DNAAF11: variants seen among roughly 807,000 people sequenced by gnomAD.
DNAAF11 encodes leucine rich repeat containing 6.
DNAAF11 carries 45 observed loss-of-function variants against 60.8 expected under a neutral mutation model. The observed-to-expected ratio is 0.74, with a 90% CI of 0.58 to 0.95. The LOEUF is 0.95. Ranked by LOEUF, DNAAF11 falls within the 40% of genes least tolerant of loss-of-function variation. The probability of loss-of-function intolerance (pLI) is 0.00; values close to 1 mark genes in which losing one functional copy is unlikely to be tolerated. For synonymous variants in DNAAF11, 191 were observed against 183.5 expected (o/e 1.04, Z -0.33); for missense variants, 546 against 546.2 (o/e 1.00, Z 0.00).
chr8:132,576,517 T>C (rs147926166), intron 11 of DNAAF11, among the ~76,000 whole-genome samples: 1 of 152,216 alleles, frequency 6.6e-6, no homozygotes, highest in African/African-American at 2.4e-5. Flanking sequence ...ATTGACCCAG[T>C]TGTTTTGGTG....
the DNAAF11 span, among the ~76,000 whole-genome samples, chr8:132,685,906 T>A: frequency 0.59 from 89,313 of 151,866 alleles, 28,868 homozygotes; most frequent in African/African-American, 0.88. Context: ...CCAATGACCC[T>A]TTTTTTTCCC....
At chr8:132,627,926 C>A (rs574834143) in intron 5 of DNAAF11, among the ~76,000 whole-genome samples, 4 of 152,294 alleles carry the variant, frequency 2.6e-5, no homozygotes, top group South Asian at 2.1e-4. Flanking sequence ...GGAGACACTA[C>A]AAGAGTCCTC....
chr8:132,692,082 G>C, the DNAAF11 span, among the ~76,000 whole-genome samples: 3 of 152,098 alleles, frequency 2.0e-5, no homozygotes, highest in Non-Finnish European at 2.9e-5. Flanking sequence ...AGTAGTAGGG[G>C]GCTGGGTGAG....
At chr8:132,605,614 T>C (rs1043211252) in intron 10 of DNAAF11, among the ~76,000 whole-genome samples, 5 of 151,652 alleles carry the variant, frequency 3.3e-5, no homozygotes, top group Non-Finnish European at 5.9e-5. Context: ...TTGGGGAAAA[T>C]AGAAAAAGAA....
chr8:132,580,601 AAAAAT>A (rs899512605), intron 11 of DNAAF11, among the ~76,000 whole-genome samples: 2 of 152,260 alleles, frequency 1.3e-5, no homozygotes, highest in African/African-American at 4.8e-5. Flanking sequence ...CAACAGAGAA[AAAAAT>A]AAAATAATAC....
chr8:132,605,279 A>G (rs1818020263), intron 10 of DNAAF11, among the ~76,000 whole-genome samples: 1 of 152,188 alleles, frequency 6.6e-6, no homozygotes, highest in African/African-American at 2.4e-5. Context: ...TCCAGAGCCC[A>G]TTCCCTTAAT....
At chr8:132,624,927 G>C (rs567758451) in intron 6 of DNAAF11, among the ~76,000 whole-genome samples, 18 of 152,132 alleles carry the variant, frequency 1.2e-4, no homozygotes, top group Non-Finnish European at 2.6e-4. Flanking sequence ...GACTCAAAAA[G>C]GAGCCCATTC....
At chr8:132,601,107 G>A (rs926757267) in intron 10 of DNAAF11, among the ~76,000 whole-genome samples, 5 of 152,104 alleles carry the variant, frequency 3.3e-5, no homozygotes, top group African/African-American at 4.8e-5. Flanking sequence ...TCAAAAAGTG[G>A]GCAAAGGATA....
At position 132,570,652 on chromosome 8, in the gene DNAAF11, T is replaced by A. The variant is rs1814094155; in HGVS notation, c.*1654A>T. ...TAGAGTTGACCATGAAGAAAGGTGTTATACTCAGTCATTGCCATCAGTCGC... is the reference window on the plus strand; with the variant it reads ...TAGAGTTGACCATGAAGAAAGGTGTAATACTCAGTCATTGCCATCAGTCGC... On this transcript the variant is annotated 3_prime_UTR_variant, in exon 12 of 12. Transcript: ENST00000620350. Among the ~76,000 whole-genome samples, 1 of 152,156 alleles carries A rather than the reference T, an allele frequency of 6.6e-6. No homozygotes were observed. Among genetic ancestry groups the A allele is most frequent in the Admixed American group, 6.5e-5 (1 of 15,280 alleles).
At chr8:132,585,325 A>G (rs1376982115) in intron 10 of DNAAF11, among the ~76,000 whole-genome samples, 1 of 152,138 alleles carries the variant, frequency 6.6e-6, no homozygotes, top group Non-Finnish European at 1.5e-5. Flanking sequence ...CAACACGTGT[A>G]TGGATGTGTG....
rs747156213 is a variant in DNAAF11 at position 132,622,646 on chromosome 8, A to G, written c.879T>C (p.Thr293=). The stretch of plus-strand genomic sequence containing the variant: ...TCACATTTAGGGCTTTCCCATCTTC[A>G]GTGATCAAAGTCCTGGGTGGTTTCA... The part of the protein sequence containing the change: ...KKVKPPRTLI[T]EDGKALNVNE... The change falls in exon 7 of 12, where the codon ACT becomes ACC. Residue 293 remains threonine (T), a synonymous_variant. Coordinates refer to ENST00000620350, the MANE Select transcript of DNAAF11 (RefSeq NM_012472.6). 8 of 1,613,818 alleles carry G rather than the reference A, an allele frequency of 5.0e-6. No individual in the cohort carries two copies. Among genetic ancestry groups the G allele is most frequent in the Non-Finnish European group, 5.9e-6 (7 of 1,179,834 alleles).
At chr8:132,659,161 T>A (rs1823883762) in intron 2 of DNAAF11, among the ~76,000 whole-genome samples, 1 of 152,164 alleles carries the variant, frequency 6.6e-6, no homozygotes, top group Admixed American at 6.5e-5. Flanking sequence ...ACATGGCCCC[T>A]GGGCTCCCTC....
chr8:132,691,346 T>C, the DNAAF11 span, among the ~76,000 whole-genome samples: 1 of 152,168 alleles, frequency 6.6e-6, no homozygotes, highest in East Asian at 1.9e-4. Context: ...AGTTTGGTTA[T>C]TTGTTTTGTT....
intron 10 of DNAAF11, among the ~76,000 whole-genome samples, chr8:132,603,248 G>C (rs935661420): frequency 6.6e-6 from 1 of 152,158 alleles, no homozygotes; most frequent in African/African-American, 2.4e-5. Flanking sequence ...AGATGACAGA[G>C]CTCTAGAGGT....
chr8:132,665,966 C>T (rs554622535), intron 1 of DNAAF11, among the ~76,000 whole-genome samples: 1 of 152,272 alleles, frequency 6.6e-6, no homozygotes, highest in Admixed American at 6.5e-5. Flanking sequence ...CAGCTGGAGG[C>T]CATTATCCCA....
At chr8:132,629,889 A>C (rs940649662) in intron 5 of DNAAF11, among the ~76,000 whole-genome samples, 6 of 152,340 alleles carry the variant, frequency 3.9e-5, no homozygotes. Context: ...AATTACATCT[A>C]TTTTTAAAAT....
Position 132,615,113 on chromosome 8 carries a change from T to C in DNAAF11, c.915-16A>G, listed in dbSNP as rs1169203761. On this transcript the variant is annotated splice_polypyrimidine_tract_variant and intron_variant, in intron 7 of 11. Transcript: ENST00000620350. ...GAAGTCAATTCTAAGAATAACACAT[T>C]TGGTGGGAAAAAAGAGATGTCTTTA... 14 of 1,567,622 alleles carry C rather than the reference T, an allele frequency of 8.9e-6. No individual in the cohort carries two copies. Among genetic ancestry groups the C allele is most frequent in the Non-Finnish European group, 1.2e-5 (14 of 1,139,960 alleles).
chr8:132,660,856 G>A (rs1824064433), intron 2 of DNAAF11, among the ~76,000 whole-genome samples: 1 of 152,158 alleles, frequency 6.6e-6, no homozygotes, highest in Admixed American at 6.5e-5. Flanking sequence ...GGTTAATTCT[G>A]AGGGCAATAT....
intron 1 of DNAAF11, among the ~76,000 whole-genome samples, chr8:132,666,839 G>C (rs112475495): frequency 6.6e-6 from 1 of 152,118 alleles, no homozygotes; most frequent in Non-Finnish European, 1.5e-5. Flanking sequence ...GGGTCATGTG[G>C]GTGGTCAGGG....
Sources: allele counts gnomAD v4.1 joint callset (sites outside exome capture counted in the v4.1 genomes callset), GRCh38; gene constraint gnomAD v4.1.1; transcripts MANE v1.5; gene names NCBI Gene and HGNC (gene_info 2026-07-23, HGNC 2026-07-21).